Variants in EIF3B observed in about 807,000 individuals in gnomAD.
EIF3B encodes eukaryotic translation initiation factor 3 subunit B.
Under a neutral mutation model 104.6 loss-of-function variants are expected in EIF3B, and 10 were observed. The observed-to-expected ratio is 0.10, with a 90% CI of 0.06 to 0.16. The LOEUF (loss-of-function observed/expected upper bound fraction) is 0.16, where lower values mean the gene tolerates loss of function less well. Ranked by LOEUF, EIF3B falls within the 10% of genes least tolerant of loss-of-function variation. The pLI is 1.00. For synonymous variants in EIF3B, 542 were observed against 417.2 expected (o/e 1.30, Z -3.65); for missense variants, 1,014 against 1,087.9 (o/e 0.93, Z 0.96).
intron 1 of EIF3B, among the ~76,000 whole-genome samples, chr7:2,357,853 A>C (rs908306336): frequency 6.6e-6 from 1 of 152,012 alleles, no homozygotes; most frequent in African/African-American, 2.4e-5. Context: ...GGAGTACCCA[A>C]TTTGTGTAAA....
chr7:2,368,445 C>T (rs373398206), intron 9 of EIF3B, among the ~76,000 whole-genome samples: 1 of 152,208 alleles, frequency 6.6e-6, no homozygotes, highest in Admixed American at 6.5e-5. Context: ...CCACCGCGCC[C>T]GGCCTAAGGT....
chr7:2,374,697 A>G, intron 13 of EIF3B, 91 bp downstream of exon 13: 1 of 1,225,666 alleles, frequency 8.2e-7, no homozygotes. Context: ...GCTTCTTGGT[A>G]GAGAGAGTAT....
intron 9 of EIF3B, among the ~76,000 whole-genome samples, chr7:2,367,642 G>T (rs987106447): frequency 6.6e-6 from 1 of 151,438 alleles, no homozygotes; most frequent in South Asian, 2.1e-4. Context: ...GCTAATTTTT[G>T]TATTTTTAGT....
intron 18 of EIF3B, 83 bp from the exon 19 acceptor site, chr7:2,380,121 A>T: frequency 6.3e-6 from 2 of 316,878 alleles, no homozygotes; most frequent in South Asian, 2.4e-5. Flanking sequence ...GCGGGACTCA[A>T]CGTCAGCCCC....
Position 2,355,122 on chromosome 7 carries a change from G to A in EIF3B, c.201G>A (p.Arg67=). The stretch of plus-strand genomic sequence containing the variant: ...AGGCCGGGCCGGAGTCCGAGGTGAG[G>A]ACCGAGCCGGCGGCCGAGGCAGAGG... ...IAEAGPESEV[R]TEPAAEAEAA... is the part of the protein sequence containing the mutation. Residue 67 remains arginine, a synonymous_variant, in exon 1 of 19, where the codon AGG becomes AGA. Transcript: ENST00000360876. The A allele has an allele frequency of 8.6e-6, 12 of 1,401,768 alleles. No individual in the cohort carries two copies. Among genetic ancestry groups the A allele is most frequent in the Non-Finnish European group, 1.1e-5 (12 of 1,087,258 alleles). The allele number at this position is 1,401,768 out of a possible 1,614,324, so 86.8% of individuals were successfully genotyped here.
intron 1 of EIF3B, among the ~76,000 whole-genome samples, chr7:2,358,701 C>T (rs770702384): frequency 1.3e-5 from 2 of 151,388 alleles, no homozygotes; most frequent in African/African-American, 2.4e-5. Flanking sequence ...TCATTTTTCT[C>T]GTATTTTTAT....
chr7:2,361,889 G>A (rs1226668281), intron 2 of EIF3B, among the ~76,000 whole-genome samples: 2 of 151,994 alleles, frequency 1.3e-5, no homozygotes, highest in Non-Finnish European at 2.9e-5. Context: ...CAATTCTCCT[G>A]CCCCACCCTC....
At chr7:2,364,651 C>T (rs2115300363) in intron 6 of EIF3B, 122 bp downstream of exon 6, 1 of 885,062 alleles carries the variant, frequency 1.1e-6, no homozygotes, top group East Asian at 2.6e-5. Context: ...ATGCAGAACG[C>T]TAATAAGCTT....
At chr7:2,376,594 G>A (rs1006448685) in intron 14 of EIF3B, 1 of 224,628 alleles carries the variant, frequency 4.5e-6, no homozygotes, top group African/African-American at 2.3e-5. Context: ...TATGCAGTTA[G>A]CTTACGTTTG....
rs200089529 is a variant in EIF3B at position 2,372,686 on chromosome 7, C to T, written c.1701C>T (p.Ala567=). Residue 567 remains alanine, a synonymous_variant, in exon 12 of 19, where the codon GCC becomes GCT. Transcript: ENST00000360876. ...DVVEMKETII[A]FAWEPNGSKF... is the part of the protein sequence containing the mutation. ...TGTGCATTTTAGAAACCATCATAGC[C>T]TTTGCCTGGGAACCAAATGGAAGTA... 22 of 1,614,006 alleles carry T rather than the reference C, an allele frequency of 1.4e-5. No individual in the cohort carries two copies. The East Asian group carries it at 2.9e-4, about 21-fold the overall frequency.
In EIF3B at chr7:2,369,686, T is replaced by C. The variant is rs777553536; in HGVS notation, c.1614+4T>C. 11 of 1,613,374 alleles carry C rather than the reference T, an allele frequency of 6.8e-6. No individual in the cohort carries two copies. The highest frequency in any genetic ancestry group is 6.7e-5 in the East Asian group (3 of 44,878). ...TAGGACTCCGAAAGGCACCCAGGTA[T>C]GTAGATTCCCACAGGAACTGACGAT... On this transcript the variant is annotated splice_donor_region_variant and intron_variant, in intron 10 of 18. Transcript: ENST00000360876.
intron 6 of EIF3B, 26 bp downstream of exon 6, chr7:2,364,555 AGT>A (rs1562480778): frequency 6.3e-7 from 1 of 1,598,500 alleles, no homozygotes; most frequent in East Asian, 2.3e-5. Context: ...AACACAGGGG[AGT>A]CTATGCATTT....
intron 9 of EIF3B, among the ~76,000 whole-genome samples, chr7:2,367,781 T>C (rs1021523962): frequency 6.6e-6 from 1 of 150,942 alleles, no homozygotes; most frequent in African/African-American, 2.4e-5. Flanking sequence ...CACTCAGTTC[T>C]TAACCAGTTG....
Position 2,380,201 on chromosome 7 carries a change from CA to C in EIF3B, c.*15-2del, listed in dbSNP as rs1266148569. On this transcript the variant is annotated splice_acceptor_variant, in intron 18 of 18. Coordinates refer to ENST00000360876, the MANE Select transcript of EIF3B (RefSeq NM_001037283.2). LOFTEE classifies it low-confidence loss of function (3UTR_SPLICE). ...TTTAGGGCCGCCATGCCTGTCTATC[CA>C]GGGGACGGACTCCGCCTGCTGTTCC... 1 of 370,296 alleles carries C rather than the reference CA, an allele frequency of 2.7e-6. No homozygotes were observed. Among genetic ancestry groups the C allele is most frequent in the Non-Finnish European group, 5.4e-6 (1 of 184,778 alleles). The allele number at this position is 370,296 out of a possible 1,614,324, so 22.9% of individuals were successfully genotyped here.
rs113026953 is a variant in EIF3B at position 2,378,435 on chromosome 7, C to A, written c.2155-254C>A. ...GGTGTCATGGAGGAAGGAGCAGGCG[C>A]GAGCGCTCCTGGGAAGCTGTGTTGT... On this transcript the variant is annotated intron_variant, in intron 15 of 18. Coordinates refer to ENST00000360876, the MANE Select transcript of EIF3B (RefSeq NM_001037283.2). 13 of 342,824 alleles carry A rather than the reference C, an allele frequency of 3.8e-5. No homozygotes were observed. In the African/African-American group the frequency reaches 3.8e-4, roughly 10 times the overall value. 21.2% of individuals were successfully genotyped at this position (342,824 alleles called of 1,614,324 possible).
intron 5 of EIF3B, 126 bp downstream of exon 5, chr7:2,363,886 C>T: frequency 1.8e-6 from 2 of 1,082,238 alleles, no homozygotes; most frequent in Non-Finnish European, 1.3e-6. Context: ...AGATTACTTT[C>T]TGAAAACAAC....
intron 12 of EIF3B, chr7:2,374,223 G>A (rs368687053): frequency 1.5e-5 from 4 of 271,336 alleles, no homozygotes; most frequent in African/African-American, 8.6e-5. Context: ...ACATCTCTCT[G>A]TTGGGGTCCC....
Position 2,366,368 on chromosome 7 carries a change from C to T in EIF3B, c.1209C>T (p.Ala403=). The change falls in exon 7 of 19, where the codon GCC becomes GCT. Residue 403 remains alanine (A), a synonymous_variant. Coordinates refer to ENST00000360876, the MANE Select transcript of EIF3B (RefSeq NM_001037283.2). ...PLMDTQDDPQ[A]IIIWDILTGH... is the part of the protein sequence containing the mutation. ...TGGACACGCAGGATGACCCTCAGGC[C>T]ATAATCATCTGGGACATCCTTACGG... 1 of 1,613,890 alleles carries T rather than the reference C, an allele frequency of 6.2e-7. No homozygotes were observed. Among genetic ancestry groups the T allele is most frequent in the East Asian group, 2.2e-5 (1 of 44,874 alleles).
At chr7:2,362,937 C>T in intron 3 of EIF3B, 133 bp from the exon 4 acceptor site, 1 of 1,425,698 alleles carries the variant, frequency 7.0e-7, no homozygotes, top group Non-Finnish European at 9.8e-7. Context: ...GCCTACAGCA[C>T]CCCTCCCTGT....
Sources: gnomAD v4.1 joint callset for allele counts (sites outside exome capture counted in the v4.1 genomes callset) on GRCh38, gnomAD v4.1.1 for gene constraint, MANE v1.5 for transcripts, NCBI Gene and HGNC (gene_info 2026-07-23, HGNC 2026-07-21) for gene names.